Variants in CFAP299 observed in about 807,000 individuals in gnomAD.
CFAP299 encodes the protein cilia and flagella associated protein 299, also known as cilia- and flagella-associated protein 299.
CFAP299 carries 21 observed loss-of-function variants against 27.0 expected under a neutral mutation model. The ratio of observed to expected loss-of-function variants is 0.78; its 90% CI spans 0.55 to 1.12. CFAP299 has a LOEUF of 1.12. Among genes scored for constraint, CFAP299 ranks in the 50% most tolerant of loss-of-function variants. The pLI is 0.00. For synonymous variants in CFAP299, 104 were observed against 98.1 expected, an observed-to-expected ratio of 1.06 and a Z score of -0.36; for missense variants, 310 against 276.6, an observed-to-expected ratio of 1.12 and a Z score of -0.86.
At chr4:80,927,417 A>C (rs1219956014) in intron 4 of CFAP299, among the ~76,000 whole-genome samples, 1 of 152,032 alleles carries the variant, frequency 6.6e-6, no homozygotes, top group Non-Finnish European at 1.5e-5. Flanking sequence ...GACCCCTCCA[A>C]GGTCTAATAT....
intron 1 of CFAP299, among the ~76,000 whole-genome samples, chr4:80,340,323 G>A (rs1158609488): frequency 6.6e-6 from 1 of 152,160 alleles, no homozygotes; most frequent in Non-Finnish European, 1.5e-5. Flanking sequence ...CCCTCAGGAG[G>A]CCACTTTACC....
chr4:80,663,570 A>G (rs1020461122), intron 3 of CFAP299, among the ~76,000 whole-genome samples: 20 of 152,192 alleles, frequency 1.3e-4, no homozygotes, highest in African/African-American at 4.8e-4. Context: ...AGTCTTTGCT[A>G]TGGTGAACAG....
In CFAP299 at chr4:80,908,499, G is replaced by A. The variant is rs1004821633; in HGVS notation, c.477-36311G>A. On this transcript the variant is annotated intron_variant, in intron 4 of 5. Transcript: ENST00000358105. Reference sequence around the variant, plus strand: ...AAGTTTGGAAAAAATTAGTGGAGAGGTGTTCCGAAATAGAGTTGCTCACAT... The same window carrying A: ...AAGTTTGGAAAAAATTAGTGGAGAGATGTTCCGAAATAGAGTTGCTCACAT... 2.0e-5 allele frequency among the ~76,000 whole-genome samples: 3 copies of A among 152,074 alleles called. No individual in the cohort carries two copies. The East Asian group carries it at 5.8e-4, about 29-fold the overall frequency.
intron 2 of CFAP299, among the ~76,000 whole-genome samples, chr4:80,497,048 A>C (rs1027313515): frequency 1.3e-5 from 2 of 152,122 alleles, no homozygotes; most frequent in African/African-American, 4.8e-5. Context: ...GTCACCTCCC[A>C]CCAGGCCCCA....
rs564880314 is a variant in CFAP299 at position 80,608,607 on chromosome 4, T to C, written c.333+25424T>C. Reference sequence around the variant, plus strand: ...GCTCTCATTTTGAAAAAAAGCGCATTGTAGATTTAATGAAGGAACTTAGGT... The same window carrying C: ...GCTCTCATTTTGAAAAAAAGCGCATCGTAGATTTAATGAAGGAACTTAGGT... On this transcript the variant is annotated intron_variant, in intron 3 of 5. Transcript: ENST00000358105. 5.3e-5 allele frequency among the ~76,000 whole-genome samples: 8 copies of C among 152,258 alleles called. No individual in the cohort carries two copies. In the East Asian group the frequency reaches 1.3e-3, roughly 26 times the overall value.
At position 80,504,462 on chromosome 4, in the gene CFAP299, C is replaced by CATATATATATAT. The variant is rs56729877; in HGVS notation, c.243-78598_243-78587dup. On this transcript the variant is annotated intron_variant, in intron 2 of 5. Coordinates refer to ENST00000358105, the MANE Select transcript of CFAP299 (RefSeq NM_152770.3). ...TACTGAAATTTTGCTTAAAATCTCA[C>CATATATATATAT]ATATATATATATATATATATATATA... is the stretch of plus-strand genomic sequence containing the variant. Among the ~76,000 whole-genome samples, 173 of 37,754 alleles carry CATATATATATAT rather than the reference C, an allele frequency of 4.6e-3. 9 individuals are homozygous for CATATATATATAT. The highest frequency in any genetic ancestry group is 0.042 in the Middle Eastern group (1 of 24). The allele number at this position is 37,754 out of a possible 152,430, so 24.8% of individuals were successfully genotyped here.
intron 3 of CFAP299, among the ~76,000 whole-genome samples, chr4:80,827,008 CAAAT>C (rs200915374): frequency 0.016 from 2,475 of 151,616 alleles, 32 homozygotes; most frequent in Non-Finnish European, 0.02. Flanking sequence ...TACTTGGAGA[CAAAT>C]GAAAATGAAA....
At chr4:80,505,507 A>G (rs568899145) in intron 2 of CFAP299, among the ~76,000 whole-genome samples, 54 of 83,716 alleles carry the variant, frequency 6.5e-4, no homozygotes, top group Non-Finnish European at 9.7e-4. Flanking sequence ...GTAGAAAATT[A>G]TAGATGCTCT....
chr4:80,767,765 C>T (rs1187332796), intron 3 of CFAP299, among the ~76,000 whole-genome samples: 1 of 152,272 alleles, frequency 6.6e-6, no homozygotes, highest in East Asian at 1.9e-4. Flanking sequence ...TTCAACTCTA[C>T]CTTTCTTCTA....
At chr4:80,398,594 A>T (rs1229931381) in intron 2 of CFAP299, among the ~76,000 whole-genome samples, 1 of 143,594 alleles carries the variant, frequency 7.0e-6, no homozygotes. Context: ...TGGGGAAAGG[A>T]TTCCCTATTT....
At chr4:80,602,795 C>T (rs1737425493) in intron 3 of CFAP299, among the ~76,000 whole-genome samples, 2 of 152,268 alleles carry the variant, frequency 1.3e-5, no homozygotes, top group South Asian at 4.1e-4. Context: ...GATCGCAAAG[C>T]TTCTCCTGCC....
At chr4:80,606,843 C>A (rs114817732) in intron 3 of CFAP299, among the ~76,000 whole-genome samples, 6,506 of 151,956 alleles carry the variant, frequency 0.043, 441 homozygotes, top group African/African-American at 0.14. Flanking sequence ...AAAAATTTCA[C>A]GGATAAAAAA....
intron 2 of CFAP299, among the ~76,000 whole-genome samples, chr4:80,452,860 T>A: frequency 6.6e-6 from 1 of 152,200 alleles, no homozygotes; most frequent in Non-Finnish European, 1.5e-5. Flanking sequence ...TTAAAACAAT[T>A]CACACTACTC....
At chr4:80,689,100 C>G (rs1720453080) in intron 3 of CFAP299, among the ~76,000 whole-genome samples, 2 of 152,068 alleles carry the variant, frequency 1.3e-5, no homozygotes, top group Admixed American at 1.3e-4. Flanking sequence ...AGAATGGAAC[C>G]AAGTTGGAAA....
intron 3 of CFAP299, among the ~76,000 whole-genome samples, chr4:80,660,071 A>T (rs1405003689): frequency 1.3e-5 from 2 of 152,136 alleles, no homozygotes; most frequent in African/African-American, 4.8e-5. Context: ...TAGGCAGTAT[A>T]GAGCATCACA....
intron 2 of CFAP299, among the ~76,000 whole-genome samples, chr4:80,504,506 T>TATATA (rs57743936): frequency 4.1e-3 from 518 of 126,052 alleles, no homozygotes; most frequent in Non-Finnish European, 5.6e-3. Flanking sequence ...TATATATATA[T>TATATA]TTTCCTTTGA....
intron 3 of CFAP299, among the ~76,000 whole-genome samples, chr4:80,868,944 T>C (rs1732914898): frequency 1.3e-5 from 2 of 150,904 alleles, no homozygotes; most frequent in Admixed American, 1.3e-4. Context: ...TGTGTGTGTG[T>C]GTGTCCCAAT....
intron 3 of CFAP299, among the ~76,000 whole-genome samples, chr4:80,760,293 T>A (rs1578098443): frequency 6.6e-6 from 1 of 152,286 alleles, no homozygotes; most frequent in African/African-American, 2.4e-5. Context: ...AATGGAATAA[T>A]GGATTCATTA....
chr4:80,928,553 G>A (rs1246633320), intron 4 of CFAP299, among the ~76,000 whole-genome samples: 1 of 152,128 alleles, frequency 6.6e-6, no homozygotes, highest in Non-Finnish European at 1.5e-5. Context: ...TATTCATAAT[G>A]TAAAAGTGAG....
Sources: allele counts gnomAD v4.1 joint callset (sites outside exome capture counted in the v4.1 genomes callset), GRCh38; gene constraint gnomAD v4.1.1; transcripts MANE v1.5; gene names NCBI Gene and HGNC (gene_info 2026-07-23, HGNC 2026-07-21).